The following CADM2 variants were observed in gnomAD, a reference collection of about 807,000 sequenced individuals.
CADM2 encodes immunoglobulin superfamily member 4D.
In CADM2, 12 loss-of-function variants were observed where a neutral mutation model predicts 49.8. That is an observed-to-expected ratio of 0.24 (90% confidence interval 0.15 to 0.39). The LOEUF (loss-of-function observed/expected upper bound fraction) is 0.39, where lower values mean the gene tolerates loss of function less well. Ranked by LOEUF, CADM2 falls within the 10% of genes least tolerant of loss-of-function variation. The pLI is 1.00. For missense variants in CADM2, 378 were observed against 492.3 expected (o/e 0.77, Z 2.20); for synonymous variants, 214 against 175.4 (o/e 1.22, Z -1.74).
rs536394839 is a variant in CADM2, at chr3:86,003,439, G to C, written c.970+41792G>C. ...AAGATCAGCTTAACTTGCAAGCAGG[G>C]TAAAATCTGACTATTCAAAGTTCTT... On this transcript the variant is annotated intron_variant, in intron 8 of 9. Coordinates refer to ENST00000383699, the MANE Select transcript of CADM2 (RefSeq NM_001167675.2). Among the ~76,000 whole-genome samples, 21 of 152,222 alleles carry C rather than the reference G, an allele frequency of 1.4e-4. No individual in the cohort carries two copies. In the East Asian group the frequency reaches 4.1e-3, roughly 29 times the overall value.
chr3:85,835,752 A>G lies in CADM2; in HGVS notation c.238+33556A>G, dbSNP rs561161402. Among the ~76,000 whole-genome samples the G allele has an allele frequency of 3.2e-3, 403 of 126,280 alleles. 1 individual carries two copies. Among genetic ancestry groups the G allele is most frequent in the African/African-American group, 0.011 (389 of 34,546 alleles). The allele number at this position is 126,280 out of a possible 152,430, so 82.8% of individuals were successfully genotyped here. On this transcript the variant is annotated intron_variant, in intron 3 of 9. Transcript: ENST00000383699. Reference sequence around the variant, plus strand: ...TATATATATCTTGCTATATGTATATAATATATAATATAATATATATATATC... The same window carrying G: ...TATATATATCTTGCTATATGTATATGATATATAATATAATATATATATATC...
intron 1 of CADM2, among the ~76,000 whole-genome samples, chr3:85,049,184 G>T (rs1165410793): frequency 6.6e-6 from 1 of 152,112 alleles, no homozygotes; most frequent in Non-Finnish European, 1.5e-5. Flanking sequence ...AACAATTGCA[G>T]TGAAGTAGTA....
chr3:85,321,122 T>A (rs1402119810), intron 1 of CADM2, among the ~76,000 whole-genome samples: 937 of 8,598 alleles, frequency 0.11, 29 homozygotes, highest in Non-Finnish European at 0.12. Flanking sequence ...ATATATTTTT[T>A]TTTTTTTTTT....
chr3:85,477,776 T>G (rs756999269), intron 1 of CADM2, among the ~76,000 whole-genome samples: 1 of 151,908 alleles, frequency 6.6e-6, no homozygotes, highest in Non-Finnish European at 1.5e-5. Flanking sequence ...AACTCTGGTC[T>G]ATGTACAACC....
chr3:85,975,273 A>G (rs970673070), intron 8 of CADM2, among the ~76,000 whole-genome samples: 8 of 151,396 alleles, frequency 5.3e-5, no homozygotes, highest in African/African-American at 1.9e-4. Flanking sequence ...TAAATTTAAA[A>G]CACATAATTA....
chr3:85,266,842 A>G (rs567194501), intron 1 of CADM2, among the ~76,000 whole-genome samples: 62 of 151,954 alleles, frequency 4.1e-4, no homozygotes, highest in African/African-American at 1.3e-3. Context: ...ATGACTTGAC[A>G]TTGCTAGTCA....
chr3:85,032,051 A>G (rs2035012939), intron 1 of CADM2, among the ~76,000 whole-genome samples: 1 of 152,070 alleles, frequency 6.6e-6, no homozygotes. Flanking sequence ...ATTAATTTTC[A>G]GGATGTTTCT....
intron 1 of CADM2, among the ~76,000 whole-genome samples, chr3:85,241,988 G>A (rs539793269): frequency 6.6e-6 from 1 of 151,144 alleles, no homozygotes; most frequent in Non-Finnish European, 1.5e-5. Flanking sequence ...TAGAGTAGTT[G>A]CATGCCCCAC....
At chr3:85,221,307 T>C (rs1553697385) in intron 1 of CADM2, among the ~76,000 whole-genome samples, 1 of 152,170 alleles carries the variant, frequency 6.6e-6, no homozygotes, top group Admixed American at 6.6e-5. Context: ...CAGGATAGAA[T>C]GAGGAGGAAA....
chr3:85,359,935 A>G (rs2032231514), intron 1 of CADM2, among the ~76,000 whole-genome samples: 1 of 151,384 alleles, frequency 6.6e-6, no homozygotes, highest in African/African-American at 2.4e-5. Flanking sequence ...TAAAAATCAT[A>G]CAATTAACTC....
At chr3:85,250,890 A>G (rs1576212270) in intron 1 of CADM2, among the ~76,000 whole-genome samples, 2 of 151,904 alleles carry the variant, frequency 1.3e-5, no homozygotes, top group East Asian at 1.9e-4. Flanking sequence ...TAGCTTACAT[A>G]GAGAACAATT....
chr3:86,043,914 A>G (rs879521984), intron 8 of CADM2, among the ~76,000 whole-genome samples: 2 of 152,234 alleles, frequency 1.3e-5, no homozygotes, highest in African/African-American at 4.8e-5. Flanking sequence ...CTGCATATCT[A>G]CAACCATCTG....
intron 1 of CADM2, among the ~76,000 whole-genome samples, chr3:85,707,987 G>T (rs936312237): frequency 6.6e-6 from 1 of 152,092 alleles, no homozygotes; most frequent in African/African-American, 2.4e-5. Flanking sequence ...TGAAATTTTA[G>T]TGCTCCTTCT....
intron 1 of CADM2, among the ~76,000 whole-genome samples, chr3:85,217,541 A>G (rs1300027772): frequency 6.6e-6 from 1 of 152,076 alleles, no homozygotes; most frequent in Non-Finnish European, 1.5e-5. Flanking sequence ...ACCTACATTT[A>G]TGTATTAAAT....
chr3:85,751,586 C>T (rs1358744241), intron 2 of CADM2, among the ~76,000 whole-genome samples: 1 of 152,128 alleles, frequency 6.6e-6, no homozygotes, highest in Non-Finnish European at 1.5e-5. Context: ...TCTCAGAGCA[C>T]GTCTTCACAT....
chr3:85,338,644 A>G (rs1428201434), intron 1 of CADM2, among the ~76,000 whole-genome samples: 1 of 151,534 alleles, frequency 6.6e-6, no homozygotes, highest in Non-Finnish European at 1.5e-5. Flanking sequence ...TTACATCTTC[A>G]TATAGATTAT....
intron 8 of CADM2, among the ~76,000 whole-genome samples, chr3:86,053,531 A>C (rs1737574380): frequency 6.6e-6 from 1 of 152,124 alleles, no homozygotes; most frequent in African/African-American, 2.4e-5. Flanking sequence ...CAGGAAAGGA[A>C]TCTTCTCTGC....
intron 1 of CADM2, among the ~76,000 whole-genome samples, chr3:85,085,310 T>C (rs1280796005): frequency 6.6e-6 from 1 of 152,148 alleles, no homozygotes; most frequent in East Asian, 1.9e-4. Flanking sequence ...GATCAGGCAG[T>C]ATTTGTCATT....
At chr3:85,481,774 A>T (rs542706839) in intron 1 of CADM2, among the ~76,000 whole-genome samples, 36 of 150,520 alleles carry the variant, frequency 2.4e-4, no homozygotes, top group Non-Finnish European at 7.4e-5. Flanking sequence ...TCAAAGTGAA[A>T]CTTTCTTTTT....
Sources: allele counts gnomAD v4.1 joint callset (sites outside exome capture counted in the v4.1 genomes callset), GRCh38; gene constraint gnomAD v4.1.1; transcripts MANE v1.5; gene names NCBI Gene and HGNC (gene_info 2026-07-23, HGNC 2026-07-21).